TREH: variants seen among roughly 807,000 people sequenced by gnomAD.
The protein encoded by TREH is trehalase.
In TREH, 69 loss-of-function variants were observed where a neutral mutation model predicts 80.5. The ratio of observed to expected loss-of-function variants is 0.86; its 90% CI spans 0.71 to 1.05. The LOEUF (loss-of-function observed/expected upper bound fraction) is 1.05, where lower values mean the gene tolerates loss of function less well. TREH is among the 50% of genes least tolerant of loss of function. The pLI is 0.00. For synonymous variants in TREH, 309 were observed against 293.5 expected (o/e 1.05, Z -0.54); for missense variants, 716 against 718.8 (o/e 1.00, Z 0.04).
Position 118,659,728 on chromosome 11 carries a change from C to G in TREH, c.1320+19G>C, listed in dbSNP as rs1555144446. 1 of 1,559,230 alleles carries G rather than the reference C, an allele frequency of 6.4e-7. No individual in the cohort carries two copies. Among genetic ancestry groups the G allele is most frequent in the South Asian group, 1.2e-5 (1 of 84,522 alleles). Reference sequence around the variant, plus strand: ...CGGTGCTGCCTGCAGTGGACCCGAGCCACCTGCTGTGCCCTCACCTCCAGG... The same window carrying G: ...CGGTGCTGCCTGCAGTGGACCCGAGGCACCTGCTGTGCCCTCACCTCCAGG... On this transcript the variant is annotated intron_variant, in intron 11 of 14. Transcript: ENST00000264029.
In TREH at chr11:118,657,383, T is replaced by C. The variant is rs988589833; in HGVS notation, c.*906A>G. ...TCACCATGGTTACCATAGTGACTGCTTCATTGCCATGGTTACATACTAATT... is the reference window on the plus strand; with the variant it reads ...TCACCATGGTTACCATAGTGACTGCCTCATTGCCATGGTTACATACTAATT... On this transcript the variant is annotated 3_prime_UTR_variant, in exon 15 of 15. Coordinates refer to ENST00000264029, the MANE Select transcript of TREH (RefSeq NM_007180.3). 2 of 153,650 alleles carry C rather than the reference T, an allele frequency of 1.3e-5. No homozygotes were observed. The highest frequency in any genetic ancestry group is 1.5e-5 in the Non-Finnish European group (1 of 68,788). 9.5% of individuals were successfully genotyped at this position (153,650 alleles called of 1,614,324 possible). A position where few individuals can be genotyped will look rare whatever the true frequency, so the allele number is the denominator to read the frequency against.
chr11:118,679,006 G>A (rs1949507090), intron 1 of TREH, among the ~76,000 whole-genome samples: 1 of 152,242 alleles, frequency 6.6e-6, no homozygotes, highest in Admixed American at 6.5e-5. Context: ...TGGAGGAGGA[G>A]AGGAAGGGAG....
intron 1 of TREH, among the ~76,000 whole-genome samples, chr11:118,666,174 A>G (rs1450698431): frequency 6.6e-6 from 1 of 152,152 alleles, no homozygotes; most frequent in Non-Finnish European, 1.5e-5. Flanking sequence ...TGGAGGTTGC[A>G]GTGGGCCGGT....
chr11:118,673,497 C>T (rs781851613), intron 1 of TREH, among the ~76,000 whole-genome samples: 2 of 152,226 alleles, frequency 1.3e-5, no homozygotes, highest in Non-Finnish European at 2.9e-5. Flanking sequence ...AGCGGGAAAA[C>T]AGGACTAAGT....
At position 118,659,355 on chromosome 11, in the gene TREH, G is replaced by T; in HGVS notation, c.1432+15C>A. ...CTGGGAAGGGTCCTTGGCTGTGTCAGCCCTGCCTCCCTACCTCTGATGACC... is the reference window on the plus strand; with the variant it reads ...CTGGGAAGGGTCCTTGGCTGTGTCATCCCTGCCTCCCTACCTCTGATGACC... On this transcript the variant is annotated intron_variant, in intron 12 of 14. Coordinates refer to ENST00000264029, the MANE Select transcript of TREH (RefSeq NM_007180.3). 2.0e-6 allele frequency: 3 copies of T among 1,535,414 alleles called. No individual in the cohort carries two copies. The highest frequency in any genetic ancestry group is 1.8e-6 in the Non-Finnish European group (2 of 1,138,224).
chr11:118,661,358 G>A lies in TREH; in HGVS notation c.734+35C>T. Reference sequence around the variant, plus strand: ...CCCTGAGAGGTCTGAGGGATGGGTGGGTCTGCAGAGCAGCACAGGGAGGGT... The same window carrying A: ...CCCTGAGAGGTCTGAGGGATGGGTGAGTCTGCAGAGCAGCACAGGGAGGGT... On this transcript the variant is annotated intron_variant, in intron 7 of 14. Coordinates refer to ENST00000264029, the MANE Select transcript of TREH (RefSeq NM_007180.3). This position sits in a 1 kb window ranked among gnomAD's most constrained non-coding sequence, Gnocchi z 4.2. 1 of 1,613,914 alleles carries A rather than the reference G, an allele frequency of 6.2e-7. No homozygotes were observed. Among genetic ancestry groups the A allele is most frequent in the Non-Finnish European group, 8.5e-7 (1 of 1,179,822 alleles).
intron 1 of TREH, among the ~76,000 whole-genome samples, chr11:118,679,257 A>C (rs1343183809): frequency 6.6e-6 from 1 of 152,086 alleles, no homozygotes; most frequent in Non-Finnish European, 1.5e-5. Context: ...GAATCTCTCG[A>C]ACCCGGGAGG....
Position 118,661,394 on chromosome 11 carries a change from G to C in TREH, c.733C>G (p.Gln245Glu), listed in dbSNP as rs1555144932. ...CAGCACAGGGAGGGTGGTACCCACT[G>C]TAGAAAGGCGGTGTCATTGGTGTGA... is the stretch of plus-strand genomic sequence containing the variant. Reference protein sequence around the residue: ...LTHTNDTAFLQENIETLALEL... With the variant: ...LTHTNDTAFLEENIETLALEL... The change falls in exon 7 of 15, where the codon CAG (glutamine) becomes GAG (glutamate). Residue 245 changes from glutamine to glutamate, a missense_variant and splice_region_variant. Coordinates refer to ENST00000264029, the MANE Select transcript of TREH (RefSeq NM_007180.3). The surrounding 1 kb of genome is among the most constrained non-coding windows in gnomAD (Gnocchi z 4.2). 1 of 1,613,876 alleles carries C rather than the reference G, an allele frequency of 6.2e-7. No homozygotes were observed. Among genetic ancestry groups the C allele is most frequent in the East Asian group, 2.2e-5 (1 of 44,886 alleles).
rs954503790 is a variant in TREH at position 118,661,845 on chromosome 11, T to A, written c.524+45A>T. The stretch of plus-strand genomic sequence containing the variant: ...TGCTGGCCCTGGGTTTCTCCACCAC[T>A]GCCAGTCCTGCAGGCCCCTTGGTCT... On this transcript the variant is annotated intron_variant, in intron 5 of 14. Coordinates refer to ENST00000264029, the MANE Select transcript of TREH (RefSeq NM_007180.3). The surrounding 1 kb of genome is among the most constrained non-coding windows in gnomAD (Gnocchi z 4.2). 17 of 1,573,332 alleles carry A rather than the reference T, an allele frequency of 1.1e-5. No homozygotes were observed. Among genetic ancestry groups the A allele is most frequent in the Admixed American group, 9.4e-5 (5 of 53,270 alleles).
At chr11:118,672,840 A>G (rs1419220411) in intron 1 of TREH, among the ~76,000 whole-genome samples, 1 of 152,078 alleles carries the variant, frequency 6.6e-6, no homozygotes, top group Admixed American at 6.6e-5. Flanking sequence ...CTCTTATCCT[A>G]TGTATCTGCA....
At position 118,659,933 on chromosome 11, in the gene TREH, G is replaced by C. The variant is rs781848876; in HGVS notation, c.1134C>G (p.Ile378Met). Residue 378 changes from isoleucine to methionine, a missense_variant, in exon 11 of 15, where the codon ATC becomes ATG. By Grantham distance (10) the Ile-to-Met change is conservative. Transcript: ENST00000264029. Reference sequence around the variant, plus strand: ...GGGCGGCCAAGCGCTGCGACCGCAGGATTCTGTACTTCGTGGCCTGGGAGT... The same window carrying C: ...GGGCGGCCAAGCGCTGCGACCGCAGCATTCTGTACTTCGTGGCCTGGGAGT... ...GNDSQATKYRILRSQRLAALN... is the reference protein window; with the variant it reads ...GNDSQATKYRMLRSQRLAALN... 1 of 1,551,686 alleles carries C rather than the reference G, an allele frequency of 6.4e-7. No individual in the cohort carries two copies. The highest frequency in any genetic ancestry group is 8.7e-7 in the Non-Finnish European group (1 of 1,147,010).
Position 118,679,530 on chromosome 11 carries a change from C to A in TREH, c.89+9G>T. 6.7e-7 allele frequency: 1 copy of A among 1,482,638 alleles called. No individual in the cohort carries two copies. The highest frequency in any genetic ancestry group is 9.0e-7 in the Non-Finnish European group (1 of 1,111,794). 91.8% of individuals were successfully genotyped at this position (1,482,638 alleles called of 1,614,324 possible). A position where few individuals can be genotyped will look rare whatever the true frequency, so the allele number is the denominator to read the frequency against. On this transcript the variant is annotated intron_variant, in intron 1 of 14. Coordinates refer to ENST00000264029, the MANE Select transcript of TREH (RefSeq NM_007180.3). ...CCATCCTCCCCTGCTGCCTTCCCCA[C>A]ACCCCTACCTCTCACAGGGTGGGGG...
chr11:118,659,630 C>G (rs782370291), intron 11 of TREH, 117 bp downstream of exon 11: 1 of 1,399,084 alleles, frequency 7.1e-7, no homozygotes, highest in Non-Finnish European at 9.7e-7. Context: ...TGGTGGGACC[C>G]GCAGGCTGGG....
intron 11 of TREH, 63 bp from the exon 12 acceptor site, chr11:118,659,544 G>T: frequency 7.0e-7 from 1 of 1,436,982 alleles, no homozygotes; most frequent in Non-Finnish European, 9.3e-7. Context: ...AGGACAGGAC[G>T]CTGGACCCCG....
In TREH at chr11:118,658,392, T is replaced by C. The variant is rs782000726; in HGVS notation, c.1649A>G (p.Tyr550Cys). ...GGCCCCTGAGGTCAGCCGGTCACCATAGCGGTCCAGCAGCATCAGGACCAC... is the reference window on the plus strand; with the variant it reads ...GGCCCCTGAGGTCAGCCGGTCACCACAGCGGTCCAGCAGCATCAGGACCAC... The part of the protein sequence containing the change: ...NGVVLMLLDR[Y>C]GDRLTSGAKL... The change falls in exon 15 of 15, where the codon TAT becomes TGT. Residue 550 changes from tyrosine (Y) to cysteine (C), a missense_variant. Tyr to Cys is a radical substitution (Grantham distance 194). Transcript: ENST00000264029. 2.5e-6 allele frequency: 4 copies of C among 1,610,456 alleles called. No individual in the cohort carries two copies. The East Asian group carries it at 6.7e-5, about 27-fold the overall frequency.
At chr11:118,660,195 A>G (rs782392739) in intron 10 of TREH, among the ~76,000 whole-genome samples, 44 of 152,160 alleles carry the variant, frequency 2.9e-4, no homozygotes, top group Non-Finnish European at 4.9e-4. Flanking sequence ...TCCAGGGTCT[A>G]TCCTCCCAAG....
intron 1 of TREH, among the ~76,000 whole-genome samples, chr11:118,677,729 A>G (rs1358010629): frequency 6.6e-6 from 1 of 152,230 alleles, no homozygotes; most frequent in Non-Finnish European, 1.5e-5. Flanking sequence ...GTCTCAAAAA[A>G]AGAAAAAAAA....
At chr11:118,677,370 T>C (rs782005293) in intron 1 of TREH, among the ~76,000 whole-genome samples, 11 of 152,270 alleles carry the variant, frequency 7.2e-5, no homozygotes, top group Non-Finnish European at 8.8e-5. Context: ...TATTTTCTCC[T>C]GGACTTGGCC....
At position 118,660,593 on chromosome 11, in the gene TREH, T is replaced by G; in HGVS notation, c.1048A>C (p.Asn350His). The G allele has an allele frequency of 6.2e-7, 1 of 1,610,948 alleles. No individual in the cohort carries two copies. Among genetic ancestry groups the G allele is most frequent in the Non-Finnish European group, 8.5e-7 (1 of 1,178,632 alleles). The change falls in exon 10 of 15, where the codon AAT becomes CAT. Residue 350 changes from asparagine (N) to histidine (H), a missense_variant. Transcript: ENST00000264029. ...TCCTCTGCTTGGCATAGGAAGGCAT[T>G]CAGGTCAACAGGCACCAGTTTGCTT... The part of the protein sequence containing the change: ...RTSKLVPVDL[N>H]AFLCQAEELM...
Sources: allele counts gnomAD v4.1 joint callset (sites outside exome capture counted in the v4.1 genomes callset), GRCh38; gene constraint gnomAD v4.1.1; non-coding constraint Gnocchi (gnomAD v3.1); transcripts MANE v1.5; gene names NCBI Gene and HGNC (gene_info 2026-07-23, HGNC 2026-07-21).